Variants in PARK7 observed in about 807,000 individuals in gnomAD.
The protein encoded by PARK7 is Parkinson disease protein 7.
In PARK7, 14 loss-of-function variants were observed where a neutral mutation model predicts 20.5. That is an observed-to-expected ratio of 0.68 (90% CI 0.45 to 1.07). The LOEUF is 1.07. Among genes scored for constraint, PARK7 ranks in the 50% least tolerant of loss-of-function variants. PARK7 has a pLI of 0.00. For missense variants in PARK7, 234 were observed against 238.1 expected (o/e 0.98, Z 0.11); for synonymous variants, 98 against 84.3 (o/e 1.16, Z -0.89).
intron 5 of PARK7, among the ~76,000 whole-genome samples, chr1:7,974,317 C>A (rs1640527884): frequency 6.6e-6 from 1 of 151,292 alleles, no homozygotes; most frequent in Non-Finnish European, 1.5e-5. Flanking sequence ...CAGAGCAAGA[C>A]TTGGTCTCTT....
chr1:7,969,450 G>GGGA (rs1553123303), intron 4 of PARK7, 46 bp downstream of exon 4: 1 of 737,634 alleles, frequency 1.4e-6, no homozygotes, highest in African/African-American at 1.5e-5. Flanking sequence ...TGGGGGGGGG[G>GGGA]AAAAACTAAA....
At chr1:7,974,882 C>G (rs1640545661) in intron 5 of PARK7, among the ~76,000 whole-genome samples, 1 of 136,828 alleles carries the variant, frequency 7.3e-6, no homozygotes, top group Non-Finnish European at 1.5e-5. Flanking sequence ...GAAATGGGAG[C>G]TTTGCTCTTG....
At chr1:7,972,412 G>C (rs1640484681) in intron 5 of PARK7, among the ~76,000 whole-genome samples, 1 of 151,980 alleles carries the variant, frequency 6.6e-6, no homozygotes, top group African/African-American at 2.4e-5. Flanking sequence ...AGGCTGCAGT[G>C]AGCTATGATT....
chr1:7,964,883 C>T (rs1640292630), intron 2 of PARK7, among the ~76,000 whole-genome samples: 1 of 152,172 alleles, frequency 6.6e-6, no homozygotes, highest in South Asian at 2.1e-4. Context: ...TAACTGGTCA[C>T]CCAAACCAGA....
chr1:7,978,615 G>A (rs1351283340), intron 6 of PARK7, among the ~76,000 whole-genome samples: 8 of 108,304 alleles, frequency 7.4e-5, no homozygotes, highest in African/African-American at 2.8e-4. Context: ...AGGCTGAGGC[G>A]GGTGGATCGC....
Position 7,962,744 on chromosome 1 carries a change from T to C in PARK7, c.-23-19T>C. The C allele has an allele frequency of 7.1e-7, 1 of 1,415,726 alleles. No homozygotes were observed. Among genetic ancestry groups the C allele is most frequent in the East Asian group, 2.5e-5 (1 of 40,658 alleles). 87.7% of individuals were successfully genotyped at this position (1,415,726 alleles called of 1,614,324 possible). ...GCAATGAAAGTTTTTTGAAATCTTT[T>C]TTTTTTTTTTTTTTTAAGGCTTGTA... On this transcript the variant is annotated intron_variant, in intron 1 of 6. Transcript: ENST00000338639.
intron 1 of PARK7, chr1:7,962,129 C>T (rs1338551184): frequency 3.9e-5 from 6 of 152,636 alleles, no homozygotes; most frequent in Admixed American, 2.0e-4. Context: ...AATTCGGAAC[C>T]TCGTTGAGCT....
chr1:7,974,200 TA>T (rs1640526436), intron 5 of PARK7, among the ~76,000 whole-genome samples: 1 of 151,130 alleles, frequency 6.6e-6, no homozygotes, highest in African/African-American at 2.4e-5. Context: ...TGCACACTTG[TA>T]GTCCCAGCTA....
At chr1:7,977,917 A>T (rs905840358) in intron 6 of PARK7, among the ~76,000 whole-genome samples, 179 bp downstream of exon 6, 10 of 134,370 alleles carry the variant, frequency 7.4e-5, no homozygotes, top group Non-Finnish European at 1.1e-4. Flanking sequence ...ATGCCATCAC[A>T]CCCAGCTAAT....
chr1:7,981,017 T>A (rs1417236719), intron 6 of PARK7, among the ~76,000 whole-genome samples: 2 of 152,156 alleles, frequency 1.3e-5, no homozygotes, highest in African/African-American at 4.8e-5. Context: ...CCCCATAATC[T>A]TTTAATTCCT....
chr1:7,963,684 C>A (rs926623938), intron 2 of PARK7, among the ~76,000 whole-genome samples: 2 of 151,972 alleles, frequency 1.3e-5, no homozygotes, highest in African/African-American at 4.8e-5. Flanking sequence ...CCCTCAGACT[C>A]GTTTCTTAAA....
At chr1:7,968,078 G>T (rs1437100124) in intron 3 of PARK7, among the ~76,000 whole-genome samples, 1 of 152,162 alleles carries the variant, frequency 6.6e-6, no homozygotes, top group East Asian at 1.9e-4. Context: ...GGGAGGCCGA[G>T]ATGGGTGTAT....
intron 4 of PARK7, 99 bp downstream of exon 4, chr1:7,969,503 T>G: frequency 2.3e-6 from 2 of 888,506 alleles, no homozygotes; most frequent in South Asian, 1.5e-5. Context: ...TTGTTATTAT[T>G]CAAATATTTC....
At chr1:7,968,492 TTTAC>T (rs1297575431) in intron 3 of PARK7, among the ~76,000 whole-genome samples, 1 of 152,050 alleles carries the variant, frequency 6.6e-6, no homozygotes, top group Non-Finnish European at 1.5e-5. Flanking sequence ...TTTTGTGCCT[TTTAC>T]TTAAAATTTG....
chr1:7,964,797 C>T (rs1270884569), intron 2 of PARK7, among the ~76,000 whole-genome samples: 2 of 152,150 alleles, frequency 1.3e-5, no homozygotes, highest in Non-Finnish European at 2.9e-5. Flanking sequence ...ACTTGCATTT[C>T]TATTTTACAA....
chr1:7,962,813 C>T lies in PARK7; in HGVS notation c.28C>T (p.Leu10=). The change falls in exon 2 of 7, where the codon CTG becomes TTG. Residue 10 remains leucine (L), a synonymous_variant. Transcript: ENST00000338639. ...GGCTTCCAAAAGAGCTCTGGTCATC[C>T]TGGCTAAAGGAGCAGAGGAAATGGA... MASKRALVI[L]AKGAEEMETV... 6.2e-7 allele frequency: 1 copy of T among 1,611,660 alleles called. No homozygotes were observed. The highest frequency in any genetic ancestry group is 8.5e-7 in the Non-Finnish European group (1 of 1,179,470).
At chr1:7,969,868 A>G (rs554989139) in intron 4 of PARK7, among the ~76,000 whole-genome samples, 20 of 151,732 alleles carry the variant, frequency 1.3e-4, no homozygotes, top group South Asian at 4.2e-4. Context: ...GTGAGCCACC[A>G]CTCCCGACCT....
Position 7,984,796 on chromosome 1 carries a change from G to A in PARK7, c.410-98G>A. The A allele has an allele frequency of 7.1e-7, 1 of 1,413,452 alleles. No individual in the cohort carries two copies. The allele number at this position is 1,413,452 out of a possible 1,614,324, so 87.6% of individuals were successfully genotyped here. On this transcript the variant is annotated intron_variant, in intron 6 of 6. Coordinates refer to ENST00000338639, the MANE Select transcript of PARK7 (RefSeq NM_007262.5). The surrounding 1 kb of genome is among the most constrained non-coding windows in gnomAD (Gnocchi z 4.3). ...TTTTTGAATGGTTAGCTACAGTGTT[G>A]GGTTTATATGCTGTAATAGTGAATT... is the stretch of plus-strand genomic sequence containing the variant.
intron 5 of PARK7, among the ~76,000 whole-genome samples, chr1:7,975,745 C>T (rs1157851175): frequency 6.6e-6 from 1 of 152,138 alleles, no homozygotes; most frequent in Non-Finnish European, 1.5e-5. Flanking sequence ...TTCTCGTTCA[C>T]CGATCACTTT....
Sources: gnomAD v4.1 joint callset for allele counts (sites outside exome capture counted in the v4.1 genomes callset) on GRCh38, gnomAD v4.1.1 for gene constraint, Gnocchi (gnomAD v3.1) non-coding constraint, MANE v1.5 for transcripts, NCBI Gene and HGNC (gene_info 2026-07-23, HGNC 2026-07-21) for gene names.